Variants in CTNNA2 observed in about 807,000 individuals in gnomAD.
The protein encoded by CTNNA2 is catenin alpha-2.
Under a neutral mutation model 101.0 loss-of-function variants are expected in CTNNA2, and 42 were observed. The ratio of observed to expected loss-of-function variants is 0.42; its 90% confidence interval spans 0.32 to 0.54. The LOEUF (loss-of-function observed/expected upper bound fraction) is 0.54, where lower values mean the gene tolerates loss of function less well. CTNNA2 is among the 20% of genes least tolerant of loss of function. The pLI, the probability that CTNNA2 is intolerant of heterozygous loss-of-function variation, is 0.14. For missense variants in CTNNA2, 871 were observed against 1,223.1 expected, an observed-to-expected ratio of 0.71 and a Z score of 4.29; for synonymous variants, 450 against 456.4, an observed-to-expected ratio of 0.99 and a Z score of 0.18.
intron 2 of CTNNA2, among the ~76,000 whole-genome samples, chr2:79,291,807 T>A (rs1011153111): frequency 1.3e-5 from 2 of 152,336 alleles, no homozygotes; most frequent in East Asian, 3.9e-4. Flanking sequence ...GTGTCAGTTG[T>A]ATTTATTTTT....
chr2:79,420,623 CTG>C (rs1678531616), intron 4 of CTNNA2, among the ~76,000 whole-genome samples: 3 of 152,142 alleles, frequency 2.0e-5, no homozygotes, highest in African/African-American at 7.2e-5. Flanking sequence ...TGCTTAATTT[CTG>C]TGCCTTAGTT....
chr2:79,443,895 G>T (rs1293172234), intron 4 of CTNNA2, among the ~76,000 whole-genome samples: 2 of 121,582 alleles, frequency 1.6e-5, no homozygotes, highest in African/African-American at 6.5e-5. Flanking sequence ...TATCTTATTT[G>T]TATACATACT....
chr2:79,475,165 T>G (rs906362155), intron 4 of CTNNA2, among the ~76,000 whole-genome samples: 4 of 152,164 alleles, frequency 2.6e-5, no homozygotes, highest in African/African-American at 9.6e-5. Context: ...ATTTTTTTTT[T>G]TACTTTGTAA....
At chr2:80,267,201 C>T (rs1673068422) in intron 7 of CTNNA2, among the ~76,000 whole-genome samples, 2 of 152,140 alleles carry the variant, frequency 1.3e-5, no homozygotes, top group Admixed American at 6.5e-5. Flanking sequence ...TCACTTCCCC[C>T]ACATCTTCCC....
Position 79,851,858 on chromosome 2 carries a change from C to G in CTNNA2, c.299-6155C>G, listed in dbSNP as rs1680744880. ...CCAGACTCAAGCGATACTCCTGTCT[C>G]AGCCTCCTGAGTAGCTGGGATTACA... On this transcript the variant is annotated intron_variant, in intron 3 of 18. Coordinates refer to ENST00000402739, the MANE Select transcript of CTNNA2 (RefSeq NM_001282597.3). 2.0e-5 allele frequency among the ~76,000 whole-genome samples: 3 copies of G among 148,730 alleles called. No individual in the cohort carries two copies. The South Asian group carries it at 6.4e-4, about 32-fold the overall frequency.
chr2:80,271,205 C>T (rs1673441262), intron 7 of CTNNA2, among the ~76,000 whole-genome samples: 1 of 152,182 alleles, frequency 6.6e-6, no homozygotes. Context: ...TTATCCCCCC[C>T]TTGGGTCATA....
chr2:79,487,694 A>G (rs1443997655), intron 4 of CTNNA2, among the ~76,000 whole-genome samples: 1 of 152,192 alleles, frequency 6.6e-6, no homozygotes, highest in African/African-American at 2.4e-5. Context: ...TTTGGGGAGC[A>G]GATGACTCCA....
intron 15 of CTNNA2, among the ~76,000 whole-genome samples, chr2:80,602,916 G>A (rs1020106528): frequency 2.2e-4 from 34 of 152,034 alleles, no homozygotes; most frequent in Non-Finnish European, 1.5e-5. Context: ...AAGAAGGTGA[G>A]TTAGTAGAGA....
intron 17 of CTNNA2, among the ~76,000 whole-genome samples, chr2:80,611,161 G>A (rs1283846502): frequency 1.3e-5 from 2 of 151,608 alleles, no homozygotes; most frequent in African/African-American, 4.8e-5. Flanking sequence ...TTGTTAAAGT[G>A]AAAGTAGAGG....
intron 7 of CTNNA2, among the ~76,000 whole-genome samples, chr2:80,207,301 G>C (rs1356201583): frequency 6.6e-6 from 1 of 152,204 alleles, no homozygotes. Context: ...AGAGAGAAAT[G>C]GAGATGATGA....
In CTNNA2 at chr2:79,785,703, C is replaced by A. The variant is rs191780128; in HGVS notation, c.298+41121C>A. Among the ~76,000 whole-genome samples, 17 of 151,978 alleles carry A rather than the reference C, an allele frequency of 1.1e-4. 1 individual carries two copies. The highest frequency in any genetic ancestry group is 1.1e-3 in the Admixed American group (17 of 15,258). On this transcript the variant is annotated intron_variant, in intron 3 of 18. Coordinates refer to ENST00000402739, the MANE Select transcript of CTNNA2 (RefSeq NM_001282597.3). ...TGCCTTCCTTTTTGTATTTTCAGTG[C>A]CTAGAGAAGTGCCTGACACACAGCT...
At chr2:79,867,801 C>T (rs915297757) in intron 4 of CTNNA2, among the ~76,000 whole-genome samples, 2 of 152,116 alleles carry the variant, frequency 1.3e-5, no homozygotes, top group Non-Finnish European at 1.5e-5. Flanking sequence ...ATTTAGCTCC[C>T]TCTGAGATAA....
At chr2:80,217,147 G>T (rs1573421144) in intron 7 of CTNNA2, among the ~76,000 whole-genome samples, 1 of 151,868 alleles carries the variant, frequency 6.6e-6, no homozygotes, top group African/African-American at 2.4e-5. Flanking sequence ...CTACTTCTTA[G>T]AGGCCCCACA....
intron 7 of CTNNA2, among the ~76,000 whole-genome samples, chr2:80,217,223 G>A (rs1708324056): frequency 6.6e-6 from 1 of 152,030 alleles, no homozygotes; most frequent in South Asian, 2.1e-4. Context: ...AGGGTTGGTT[G>A]GCATATATAT....
intron 3 of CTNNA2, among the ~76,000 whole-genome samples, chr2:79,829,962 C>G (rs1678800897): frequency 6.6e-6 from 1 of 151,978 alleles, no homozygotes; most frequent in Admixed American, 6.5e-5. Context: ...GGACCTTATT[C>G]CATTTAATGA....
chr2:79,807,719 A>G (rs1676689536), intron 3 of CTNNA2, among the ~76,000 whole-genome samples: 1 of 152,200 alleles, frequency 6.6e-6, no homozygotes, highest in Admixed American at 6.5e-5. Context: ...ATTTAAAATC[A>G]TTTACTGAAG....
intron 4 of CTNNA2, among the ~76,000 whole-genome samples, chr2:79,503,830 C>A (rs1296454873): frequency 6.6e-6 from 1 of 152,058 alleles, no homozygotes; most frequent in African/African-American, 2.4e-5. Context: ...CACTACCCGG[C>A]CATTTTGGGT....
chr2:79,982,130 A>G (rs930570970), intron 7 of CTNNA2, among the ~76,000 whole-genome samples: 1 of 140,188 alleles, frequency 7.1e-6, no homozygotes, highest in African/African-American at 2.6e-5. Flanking sequence ...CCGCAAACTC[A>G]CTGGCTCAAG....
chr2:79,293,719 A>G (rs1675892139), intron 2 of CTNNA2, among the ~76,000 whole-genome samples: 1 of 152,218 alleles, frequency 6.6e-6, no homozygotes, highest in African/African-American at 2.4e-5. Context: ...ATCCCTTACA[A>G]CAAACACATT....
Sources: allele counts gnomAD v4.1 joint callset (sites outside exome capture counted in the v4.1 genomes callset), GRCh38; gene constraint gnomAD v4.1.1; transcripts MANE v1.5; gene names NCBI Gene and HGNC (gene_info 2026-07-23, HGNC 2026-07-21).